Variants in TMEM132D observed in about 807,000 individuals in gnomAD.
TMEM132D encodes mature OL transmembrane protein.
TMEM132D carries 21 observed loss-of-function variants against 62.3 expected under a neutral mutation model. That is an observed-to-expected ratio of 0.34 (90% CI 0.24 to 0.49). The LOEUF (loss-of-function observed/expected upper bound fraction) is 0.49, where lower values mean the gene tolerates loss of function less well. Among genes scored for constraint, TMEM132D ranks in the 20% least tolerant of loss-of-function variants. The pLI, the probability that TMEM132D is intolerant of heterozygous loss-of-function variation, is 0.99. For missense variants in TMEM132D, 1,346 were observed against 1,402.8 expected, an observed-to-expected ratio of 0.96 and a Z score of 0.65; for synonymous variants, 621 against 575.6, an observed-to-expected ratio of 1.08 and a Z score of -1.13.
rs1420157993 is a variant in TMEM132D, at chr12:129,691,190, G to C, written c.968+8620C>G. Among the ~76,000 whole-genome samples the C allele has an allele frequency of 2.0e-5, 3 of 151,858 alleles. No homozygotes were observed. In the South Asian group the frequency reaches 6.2e-4, roughly 31 times the overall value. ...TTGAGATGCAGAAAAGCAGTGCTTA[G>C]AGAAATATTTATAGCATTAAAAACA... On this transcript the variant is annotated intron_variant, in intron 2 of 8. Coordinates refer to ENST00000422113, the MANE Select transcript of TMEM132D (RefSeq NM_133448.3).
At chr12:129,539,214 C>G (rs565710328) in intron 2 of TMEM132D, among the ~76,000 whole-genome samples, 1 of 149,784 alleles carries the variant, frequency 6.7e-6, no homozygotes, top group South Asian at 2.1e-4. Flanking sequence ...ATTTAAAACT[C>G]GTGAAATGTT....
intron 2 of TMEM132D, among the ~76,000 whole-genome samples, chr12:129,551,044 A>G (rs1332135889): frequency 2.6e-5 from 4 of 152,212 alleles, no homozygotes; most frequent in African/African-American, 4.8e-5. Context: ...AGTGCCATGA[A>G]CCAGTCTGAA....
At chr12:129,722,885 A>C (rs563575743) in intron 1 of TMEM132D, among the ~76,000 whole-genome samples, 5 of 152,028 alleles carry the variant, frequency 3.3e-5, no homozygotes, top group African/African-American at 1.2e-4. Context: ...GACTACAGGC[A>C]TATGACACCA....
intron 4 of TMEM132D, among the ~76,000 whole-genome samples, chr12:129,313,659 C>T (rs1169538321): frequency 1.3e-5 from 2 of 151,944 alleles, no homozygotes; most frequent in Non-Finnish European, 2.9e-5. Flanking sequence ...TGAATTGTCC[C>T]ACTATAAACA....
intron 5 of TMEM132D, among the ~76,000 whole-genome samples, chr12:129,099,185 A>T (rs1415652574): frequency 6.6e-6 from 1 of 152,062 alleles, no homozygotes; most frequent in African/African-American, 2.4e-5. Flanking sequence ...TACCCCTCTA[A>T]AATCATCCAC....
intron 2 of TMEM132D, among the ~76,000 whole-genome samples, chr12:129,568,978 G>A (rs1472976413): frequency 6.6e-6 from 1 of 152,138 alleles, no homozygotes; most frequent in African/African-American, 2.4e-5. Context: ...CCCCATACCT[G>A]AGGTTTCTGA....
rs71079298 is a variant in TMEM132D at position 129,352,451 on chromosome 12, T to TTC, written c.1116-14635_1116-14634insGA. Among the ~76,000 whole-genome samples, 1,403 of 148,094 alleles carry TTC rather than the reference T, an allele frequency of 9.5e-3. 37 individuals are homozygous for TTC. The highest frequency in any genetic ancestry group is 0.033 in the African/African-American group (1,316 of 40,344). ...TTTCACCACTTTACTTTTTTTTTTT[T>TTC]CTAGCATCAGAGTGAACAGGCAACC... On this transcript the variant is annotated intron_variant, in intron 3 of 8. Transcript: ENST00000422113.
At chr12:129,388,758 A>G (rs1467414140) in intron 3 of TMEM132D, among the ~76,000 whole-genome samples, 5 of 127,376 alleles carry the variant, frequency 3.9e-5, no homozygotes, top group Admixed American at 3.8e-4. Context: ...CAACACCAAT[A>G]CTAACACCAA....
intron 3 of TMEM132D, among the ~76,000 whole-genome samples, chr12:129,506,274 C>A (rs1875327862): frequency 6.6e-6 from 1 of 152,082 alleles, no homozygotes; most frequent in African/African-American, 2.4e-5. Flanking sequence ...GTGAAAATAA[C>A]CATATTGCCA....
chr12:129,719,268 A>G (rs1465900424), intron 1 of TMEM132D, among the ~76,000 whole-genome samples: 1 of 152,104 alleles, frequency 6.6e-6, no homozygotes, highest in African/African-American at 2.4e-5. Context: ...CAAAAAAACA[A>G]AACAAAACAA....
chr12:129,620,416 T>C (rs1283673880), intron 2 of TMEM132D, among the ~76,000 whole-genome samples: 1 of 152,126 alleles, frequency 6.6e-6, no homozygotes, highest in Admixed American at 6.5e-5. Flanking sequence ...CTGGACAACA[T>C]GGCAAAAGCC....
intron 7 of TMEM132D, among the ~76,000 whole-genome samples, 195 bp from the exon 8 acceptor site, chr12:129,078,920 C>T (rs971152516): frequency 6.6e-6 from 1 of 152,112 alleles, no homozygotes; most frequent in African/African-American, 2.4e-5. Flanking sequence ...GCATTTTTTG[C>T]ATAAAGCAAG....
At chr12:129,293,678 G>T (rs879508174) in intron 4 of TMEM132D, among the ~76,000 whole-genome samples, 1 of 152,202 alleles carries the variant, frequency 6.6e-6, no homozygotes, top group Admixed American at 6.5e-5. Context: ...CTCACAAGGA[G>T]CGTGCAACCT....
rs957885377 is a variant in TMEM132D, at chr12:129,137,672, T to C, written c.1444-52970A>G. On this transcript the variant is annotated intron_variant, in intron 5 of 8. Coordinates refer to ENST00000422113, the MANE Select transcript of TMEM132D (RefSeq NM_133448.3). Reference sequence around the variant, plus strand: ...TCCTGGGAATGTTTAGCTTTTCTGATTTATTCTTTGCCCCTTCCTGCTTCA... The same window carrying C: ...TCCTGGGAATGTTTAGCTTTTCTGACTTATTCTTTGCCCCTTCCTGCTTCA... Among the ~76,000 whole-genome samples, 13 of 152,328 alleles carry C rather than the reference T, an allele frequency of 8.5e-5. No homozygotes were observed. In the South Asian group the frequency reaches 1.0e-3, roughly 12 times the overall value.
chr12:129,605,095 A>G (rs118177554), intron 2 of TMEM132D, among the ~76,000 whole-genome samples: 1,523 of 152,196 alleles, frequency 0.01, 11 homozygotes, highest in Middle Eastern at 0.031. Flanking sequence ...TAAATCTGAG[A>G]CACCTTCGAT....
intron 1 of TMEM132D, among the ~76,000 whole-genome samples, chr12:129,710,702 T>C (rs749685152): frequency 6.6e-6 from 1 of 152,242 alleles, no homozygotes; most frequent in Non-Finnish European, 1.5e-5. Context: ...TTAGGATCAC[T>C]TTTAAAACTT....
chr12:129,851,812 T>G (rs1350804471), intron 1 of TMEM132D, among the ~76,000 whole-genome samples: 1 of 152,152 alleles, frequency 6.6e-6, no homozygotes, highest in East Asian at 1.9e-4. Flanking sequence ...AGCCACAGGG[T>G]CTTTGCCACA....
At chr12:129,664,979 G>C (rs1463873259) in intron 2 of TMEM132D, among the ~76,000 whole-genome samples, 1 of 152,072 alleles carries the variant, frequency 6.6e-6, no homozygotes, top group Non-Finnish European at 1.5e-5. Context: ...TGTGGTTGAG[G>C]ATCAGGTGTA....
intron 5 of TMEM132D, among the ~76,000 whole-genome samples, chr12:129,179,321 TTTTTTTG>T (rs140780173): frequency 0.078 from 11,876 of 151,806 alleles, 709 homozygotes; most frequent in African/African-American, 0.16. Context: ...AGGTAGCCTT[TTTTTTTG>T]TTTTTTGTTT....
Sources: gnomAD v4.1 joint callset for allele counts (sites outside exome capture counted in the v4.1 genomes callset) on GRCh38, gnomAD v4.1.1 for gene constraint, MANE v1.5 for transcripts, NCBI Gene and HGNC (gene_info 2026-07-23, HGNC 2026-07-21) for gene names.